Variants in CDK2 observed in about 807,000 individuals in gnomAD.
The protein encoded by CDK2 is cyclin-dependent kinase 2.
A neutral mutation model predicts 35.0 loss-of-function variants in CDK2; 8 were observed. The observed-to-expected ratio is 0.23, with a 90% CI of 0.13 to 0.41. CDK2 has a LOEUF of 0.41. CDK2 is among the 10% of genes least tolerant of loss of function. CDK2 has a pLI of 1.00. For missense variants in CDK2, 201 were observed against 367.1 expected (o/e 0.55, Z 3.70); for synonymous variants, 134 against 137.7 (o/e 0.97, Z 0.19).
intron 5 of CDK2, chr12:55,970,778 G>A (rs1285449568): frequency 2.9e-6 from 2 of 699,054 alleles, no homozygotes; most frequent in Admixed American, 4.0e-5. Context: ...CATGTCAGTG[G>A]CACCCCAGAC....
At position 55,972,217 on chromosome 12, in the gene CDK2, T is replaced by C. The variant is rs1298272793; in HGVS notation, c.*592T>C. On this transcript the variant is annotated 3_prime_UTR_variant, in exon 7 of 7. Transcript: ENST00000266970. ...CCCGGGTGGGGCTGCAGAAAAATGA[T>C]TGGCCCCAGTCCCCTTGTTTGTCCC... 2.0e-5 allele frequency: 3 copies of C among 152,412 alleles called. No individual in the cohort carries two copies. The highest frequency in any genetic ancestry group is 2.9e-5 in the Non-Finnish European group (2 of 68,214). 9.4% of individuals were successfully genotyped at this position (152,412 alleles called of 1,614,324 possible). A position where few individuals can be genotyped will look rare whatever the true frequency, so the allele number is the denominator to read the frequency against.
chr12:55,971,485 C>G (rs377434431), intron 6 of CDK2, 36 bp from the exon 7 acceptor site: 7 of 1,472,058 alleles, frequency 4.8e-6, no homozygotes, highest in Non-Finnish European at 3.8e-6. Context: ...AGTCCACTAT[C>G]ACATCATTGA....
At chr12:55,967,464 C>T (rs541281338) in intron 1 of CDK2, 62 of 414,200 alleles carry the variant, frequency 1.5e-4, no homozygotes, top group African/African-American at 9.9e-4. Context: ...CGGCGAGAAT[C>T]GCCTTTCTGA....
chr12:55,969,562 A>G lies in CDK2; in HGVS notation c.574A>G (p.Ile192Val). Reference sequence around the variant, plus strand: ...TGTGGACATCTGGAGCCTGGGCTGCATCTTTGCTGAGATGGTATGGAGGCT... The same window carrying G: ...TGTGGACATCTGGAGCCTGGGCTGCGTCTTTGCTGAGATGGTATGGAGGCT... ...TAVDIWSLGC[I>V]FAEMVTRRAL... The change falls in exon 5 of 7, where the codon ATC (isoleucine) becomes GTC (valine). Residue 192 changes from isoleucine to valine, a missense_variant. Ile to Val is a conservative substitution (Grantham distance 29, BLOSUM62 3). Around this residue, in one of 5 missense-constraint regions of CDK2, gnomAD observed 106 missense variants for 141.3 expected, o/e 0.75. Transcript: ENST00000266970. 6.2e-7 allele frequency: 1 copy of G among 1,605,720 alleles called. No individual in the cohort carries two copies.
chr12:55,971,637 AAGCCCCC>A lies in CDK2; in HGVS notation c.*18_*24del. 1 of 1,583,768 alleles carries A rather than the reference AAGCCCCC, an allele frequency of 6.3e-7. No homozygotes were observed. The highest frequency in any genetic ancestry group is 8.7e-7 in the Non-Finnish European group (1 of 1,152,270). On this transcript the variant is annotated 3_prime_UTR_variant, in exon 7 of 7. Transcript: ENST00000266970. Reference sequence around the variant, plus strand: ...ATCTTCGACTCTGATAGCCTTCTTGAAGCCCCCAGCCCTAATCTCACCCTCTCCTCCA... The same window carrying A: ...ATCTTCGACTCTGATAGCCTTCTTGAAGCCCTAATCTCACCCTCTCCTCCA...
At chr12:55,971,437 C>A (rs1889471329) in intron 6 of CDK2, 84 bp from the exon 7 acceptor site, 1 of 1,200,348 alleles carries the variant, frequency 8.3e-7, no homozygotes, top group Non-Finnish European at 1.2e-6. Flanking sequence ...AGAAGGAGTT[C>A]TGGTTTCCTG....
Position 55,971,294 on chromosome 12 carries a change from G to A in CDK2, c.792+47G>A, listed in dbSNP as rs763873058. ...CCCTCATTCATTTCTCCCAGGGAAG[G>A]GCTTTTCCAGGATGAAGGAAGGATG... On this transcript the variant is annotated intron_variant, in intron 6 of 6. Transcript: ENST00000266970. The A allele has an allele frequency of 2.0e-5, 32 of 1,562,046 alleles. No homozygotes were observed. In the Admixed American group the frequency reaches 2.2e-4, roughly 11 times the overall value.
At chr12:55,967,555 C>T in intron 1 of CDK2, 1 of 475,760 alleles carries the variant, frequency 2.1e-6, no homozygotes, top group Non-Finnish European at 3.8e-6. Context: ...ACCTCACTGG[C>T]CCCTCTGGGG....
rs1040376000 is a variant in CDK2, at chr12:55,969,755, T to G, written c.588+179T>G. The G allele has an allele frequency of 6.9e-6, 3 of 433,424 alleles. No homozygotes were observed. In the Admixed American group the frequency reaches 1.3e-4, roughly 18 times the overall value. 26.8% of individuals were successfully genotyped at this position (433,424 alleles called of 1,614,324 possible). On this transcript the variant is annotated intron_variant, in intron 5 of 6. Transcript: ENST00000266970. ...ACTGTTGCCCTGATATCAACCACAG[T>G]GTTAGGATATCCTCAAACAGCCTTA...
At chr12:55,967,409 G>A (rs1260447848) in intron 1 of CDK2, 1 of 491,124 alleles carries the variant, frequency 2.0e-6, no homozygotes, top group Non-Finnish European at 3.7e-6. Flanking sequence ...GGAGGTCTCT[G>A]AGATGAGGTC....
intron 5 of CDK2, chr12:55,970,601 C>T: frequency 1.4e-6 from 1 of 702,060 alleles, no homozygotes; most frequent in South Asian, 1.5e-5. Context: ...TGTTAAGCAC[C>T]TAGTGGGTAC....
Position 55,968,147 on chromosome 12 carries a change from G to A in CDK2, c.293G>A (p.Gly98Asp). ...KKFMDASALT[G>D]IPLPLIKSYL... is the part of the protein sequence containing the mutation. ...TTCATGGATGCCTCTGCTCTCACTG[G>A]CATTCCTCTTCCCCTCATCAAGGTA... is the stretch of plus-strand genomic sequence containing the variant. Residue 98 changes from glycine to aspartate, a missense_variant, in exon 3 of 7, where the codon GGC becomes GAC. This residue lies in a region of CDK2 where 47 missense variants were observed against 59.5 expected (regional missense o/e 0.79). Coordinates refer to ENST00000266970, the MANE Select transcript of CDK2 (RefSeq NM_001798.5). The A allele has an allele frequency of 6.2e-7, 1 of 1,613,926 alleles. No individual in the cohort carries two copies. The highest frequency in any genetic ancestry group is 8.5e-7 in the Non-Finnish European group (1 of 1,179,950).
chr12:55,968,698 G>C, intron 3 of CDK2, 80 bp from the exon 4 acceptor site: 1 of 1,067,976 alleles, frequency 9.4e-7, no homozygotes, highest in East Asian at 2.5e-5. Flanking sequence ...AAAGGCTTTA[G>C]TAGAGTTTTA....
chr12:55,967,726 C>T (rs1889366198), intron 1 of CDK2, 131 bp from the exon 2 acceptor site: 2 of 724,870 alleles, frequency 2.8e-6, no homozygotes, highest in Non-Finnish European at 4.8e-6. Flanking sequence ...CTCTTACCAT[C>T]ACCCTTTCTC....
Position 55,971,108 on chromosome 12 carries a change from C to T in CDK2, c.653C>T (p.Thr218Ile), listed in dbSNP as rs1262245600. ...GACCAGCTCTTCCGGATCTTTCGGA[C>T]TCTGGGGACCCCAGATGAGGTGGTG... is the stretch of plus-strand genomic sequence containing the variant. ...EIDQLFRIFR[T>I]LGTPDEVVWP... is the part of the protein sequence containing the mutation. The change falls in exon 6 of 7, where the codon ACT becomes ATT. Residue 218 changes from threonine (T) to isoleucine (I), a missense_variant. Transcript: ENST00000266970. The T allele has an allele frequency of 1.2e-6, 2 of 1,614,156 alleles. No homozygotes were observed. Among genetic ancestry groups the T allele is most frequent in the Middle Eastern group, 1.6e-4 (1 of 6,062 alleles).
intron 5 of CDK2, among the ~76,000 whole-genome samples, chr12:55,970,216 G>A (rs1889436778): frequency 6.7e-6 from 1 of 149,174 alleles, no homozygotes; most frequent in African/African-American, 2.5e-5. Context: ...GTTGAACCCG[G>A]GAGATGGAGG....
At chr12:55,971,008 C>A (rs778737653) in intron 5 of CDK2, 36 bp from the exon 6 acceptor site, 1 of 1,580,158 alleles carries the variant, frequency 6.3e-7, no homozygotes, top group Non-Finnish European at 8.7e-7. Context: ...CTGACGTCAA[C>A]GTGGGTCTTG....
chr12:55,969,585 G>A lies in CDK2; in HGVS notation c.588+9G>A. On this transcript the variant is annotated intron_variant, in intron 5 of 6. Transcript: ENST00000266970. ...GCATCTTTGCTGAGATGGTATGGAG[G>A]CTTGCCCAAGTTCCACCCAGCCCCC... 6.4e-7 allele frequency: 1 copy of A among 1,551,832 alleles called. No homozygotes were observed. The highest frequency in any genetic ancestry group is 8.8e-7 in the Non-Finnish European group (1 of 1,132,292).
chr12:55,967,429 C>T (rs1889354366), intron 1 of CDK2: 1 of 460,010 alleles, frequency 2.2e-6, no homozygotes, highest in Admixed American at 3.6e-5. Flanking sequence ...CCAAGACTCT[C>T]CATGGAGTGG....
Sources: allele counts gnomAD v4.1 joint callset (sites outside exome capture counted in the v4.1 genomes callset), GRCh38; gene constraint gnomAD v4.1.1; regional missense constraint gnomAD v4.1.1; transcripts MANE v1.5; gene names NCBI Gene and HGNC (gene_info 2026-07-23, HGNC 2026-07-21).